TBC1D22A: variants seen among roughly 807,000 people sequenced by gnomAD.
TBC1D22A encodes the protein TBC1 domain family member 22A.
In TBC1D22A, 38 loss-of-function variants were observed where a neutral mutation model predicts 60.2. The observed-to-expected ratio is 0.63, with a 90% CI of 0.49 to 0.83. The LOEUF (loss-of-function observed/expected upper bound fraction) is 0.83, where lower values mean the gene tolerates loss of function less well. Among genes scored for constraint, TBC1D22A ranks in the 40% least tolerant of loss-of-function variants. TBC1D22A has a pLI of 0.00. For missense variants in TBC1D22A, 628 were observed against 701.0 expected, an observed-to-expected ratio of 0.90 and a Z score of 1.18; for synonymous variants, 302 against 281.7, an observed-to-expected ratio of 1.07 and a Z score of -0.72.
chr22:47,063,142 C>T (rs1603217217), intron 11 of TBC1D22A, among the ~76,000 whole-genome samples: 1 of 152,180 alleles, frequency 6.6e-6, no homozygotes, highest in East Asian at 1.9e-4. Flanking sequence ...GGCCAAGGGC[C>T]TCACCCCTGG....
rs1458653327 is a variant in TBC1D22A at position 47,174,343 on chromosome 22, C to G, written c.*717C>G. On this transcript the variant is annotated 3_prime_UTR_variant, in exon 13 of 13. Coordinates refer to ENST00000337137, the MANE Select transcript of TBC1D22A (RefSeq NM_014346.5). ...TGAACCTCTTTTACAAGAGAGAAACCCCCACCTCCCTGAGGTCCAGGGCCA... is the reference window on the plus strand; with the variant it reads ...TGAACCTCTTTTACAAGAGAGAAACGCCCACCTCCCTGAGGTCCAGGGCCA... 6.6e-6 allele frequency: 1 copy of G among 152,270 alleles called. No homozygotes were observed. The highest frequency in any genetic ancestry group is 1.5e-5 in the Non-Finnish European group (1 of 68,080). 9.4% of individuals were successfully genotyped at this position (152,270 alleles called of 1,614,324 possible). A position where few individuals can be genotyped will look rare whatever the true frequency, so the allele number is the denominator to read the frequency against.
intron 8 of TBC1D22A, among the ~76,000 whole-genome samples, chr22:46,957,830 C>T (rs78591809): frequency 0.029 from 4,341 of 152,290 alleles, 86 homozygotes; most frequent in South Asian, 0.063. Context: ...TTTGCCTCCT[C>T]GAGGGGAGGG....
At chr22:46,784,054 C>CT (rs549500394) in intron 1 of TBC1D22A, among the ~76,000 whole-genome samples, 168 of 152,096 alleles carry the variant, frequency 1.1e-3, no homozygotes, top group Admixed American at 1.7e-3. Context: ...GACTAATATC[C>CT]TTTTTTTTGT....
At chr22:46,900,517 C>T (rs568566009) in intron 7 of TBC1D22A, among the ~76,000 whole-genome samples, 5 of 152,272 alleles carry the variant, frequency 3.3e-5, no homozygotes, top group Admixed American at 2.0e-4. Flanking sequence ...CGTCACTCTG[C>T]GAGGTTCCCC....
intron 10 of TBC1D22A, among the ~76,000 whole-genome samples, chr22:47,008,144 A>G (rs986918628): frequency 3.9e-5 from 6 of 152,224 alleles, no homozygotes; most frequent in Non-Finnish European, 8.8e-5. Flanking sequence ...AACACCAGCA[A>G]ATTTGGATTT....
chr22:47,118,790 T>C (rs1309685635), intron 12 of TBC1D22A, among the ~76,000 whole-genome samples: 1 of 125,426 alleles, frequency 8.0e-6, no homozygotes, highest in Admixed American at 8.4e-5. Flanking sequence ...AAGAGGAATT[T>C]ACACACACAC....
intron 12 of TBC1D22A, among the ~76,000 whole-genome samples, chr22:47,159,628 C>A (rs1334547134): frequency 6.6e-6 from 1 of 151,886 alleles, no homozygotes; most frequent in African/African-American, 2.4e-5. Context: ...TACACACACA[C>A]CACACATGCA....
intron 4 of TBC1D22A, among the ~76,000 whole-genome samples, chr22:46,854,562 G>A (rs1602165865): frequency 1.3e-5 from 2 of 151,972 alleles, no homozygotes; most frequent in African/African-American, 4.8e-5. Context: ...GTTGTTTCCG[G>A]ATGTTCTCGC....
chr22:47,156,697 G>A (rs2067732065), intron 12 of TBC1D22A, among the ~76,000 whole-genome samples: 2 of 152,106 alleles, frequency 1.3e-5, no homozygotes, highest in African/African-American at 2.4e-5. Flanking sequence ...TACCCTCACA[G>A]CACAGTCTCC....
At chr22:46,954,574 C>T (rs2073090985) in intron 8 of TBC1D22A, among the ~76,000 whole-genome samples, 1 of 152,160 alleles carries the variant, frequency 6.6e-6, no homozygotes, top group Non-Finnish European at 1.5e-5. Flanking sequence ...GTCACTATGT[C>T]TGTGGCTCCA....
chr22:46,864,780 C>T (rs1421370504), intron 4 of TBC1D22A, among the ~76,000 whole-genome samples: 3 of 150,714 alleles, frequency 2.0e-5, no homozygotes, highest in Non-Finnish European at 4.4e-5. Context: ...CGAGGGAGTA[C>T]CGTGGGCAGC....
At chr22:46,923,380 C>T (rs2070866068) in intron 8 of TBC1D22A, among the ~76,000 whole-genome samples, 1 of 152,214 alleles carries the variant, frequency 6.6e-6, no homozygotes, top group Admixed American at 6.5e-5. Context: ...TACTTCAGTT[C>T]CTTGGGGGTG....
intron 10 of TBC1D22A, among the ~76,000 whole-genome samples, chr22:47,021,730 A>G (rs1033362427): frequency 3.3e-5 from 5 of 152,264 alleles, no homozygotes; most frequent in African/African-American, 1.2e-4. Flanking sequence ...TTAAGCTGCT[A>G]AGTTTATGGT....
intron 12 of TBC1D22A, among the ~76,000 whole-genome samples, chr22:47,119,498 ATTT>A (rs112201242): frequency 7.0e-5 from 10 of 142,444 alleles, no homozygotes; most frequent in African/African-American, 2.1e-4. Context: ...AGACTGGGTA[ATTT>A]TTTTTTTTTT....
At chr22:47,073,765 C>T (rs548476845) in intron 11 of TBC1D22A, among the ~76,000 whole-genome samples, 1 of 152,284 alleles carries the variant, frequency 6.6e-6, no homozygotes, top group East Asian at 1.9e-4. Context: ...GGGCAAACAG[C>T]CCTTTGTTCC....
chr22:47,129,206 T>C (rs1021387042), intron 12 of TBC1D22A, among the ~76,000 whole-genome samples: 7 of 152,188 alleles, frequency 4.6e-5, no homozygotes, highest in African/African-American at 1.7e-4. Context: ...GGCCCGGGCA[T>C]GGTGGCTCAC....
intron 11 of TBC1D22A, among the ~76,000 whole-genome samples, chr22:47,061,514 G>A (rs2063576883): frequency 6.6e-6 from 1 of 152,108 alleles, no homozygotes; most frequent in African/African-American, 2.4e-5. Context: ...GAAGCTTCGA[G>A]CGCAGATCCA....
At chr22:46,977,671 C>T (rs1056829040) in intron 9 of TBC1D22A, among the ~76,000 whole-genome samples, 1 of 152,138 alleles carries the variant, frequency 6.6e-6, no homozygotes, top group African/African-American at 2.4e-5. Context: ...CTCACAGTTC[C>T]ACAAGCTGTA....
chr22:47,005,657 C>T (rs2061564874), intron 10 of TBC1D22A, among the ~76,000 whole-genome samples: 1 of 149,564 alleles, frequency 6.7e-6, no homozygotes, highest in Non-Finnish European at 1.5e-5. Flanking sequence ...CACACACCCA[C>T]ACACACACCC....
Sources: gnomAD v4.1 joint callset for allele counts (sites outside exome capture counted in the v4.1 genomes callset) on GRCh38, gnomAD v4.1.1 for gene constraint, MANE v1.5 for transcripts, NCBI Gene and HGNC (gene_info 2026-07-23, HGNC 2026-07-21) for gene names.